The following DMD variants were observed in gnomAD, a reference collection of about 807,000 sequenced individuals.
The protein encoded by DMD is dystrophin, also known as mutant dystrophin.
A neutral mutation model predicts 330.1 loss-of-function variants in DMD; 63 were observed. That is an observed-to-expected ratio of 0.19 (90% confidence interval 0.16 to 0.24). The LOEUF is 0.24. Among genes scored for constraint, DMD ranks in the 10% least tolerant of loss-of-function variants. The pLI, the probability that DMD is intolerant of heterozygous loss-of-function variation, is 1.00. For missense variants in DMD, 3,344 were observed against 2,684.1 expected (o/e 1.25, Z -5.43); for synonymous variants, 1,223 against 959.8 (o/e 1.27, Z -5.07).
intron 41 of DMD, among the ~76,000 whole-genome samples, chrX:32,323,228 A>G (rs1303715644): frequency 8.9e-6 from 1 of 112,076 alleles, no homozygotes; most frequent in African/African-American, 3.2e-5. Flanking sequence ...GGGTGTCCAT[A>G]GTTACATGCA....
chrX:32,241,469 T>C (rs1445903902), intron 43 of DMD, among the ~76,000 whole-genome samples: 1 of 112,419 alleles, frequency 8.9e-6, no homozygotes, highest in Non-Finnish European at 1.9e-5. Context: ...TCCCCAGGTT[T>C]TCTTTCACGA....
At chrX:31,919,780 T>C (rs2094662513) in intron 47 of DMD, among the ~76,000 whole-genome samples, 1 of 112,229 alleles carries the variant, frequency 8.9e-6, no homozygotes, top group South Asian at 3.7e-4. Context: ...CATCAGGCCC[T>C]TATCAGCCCT....
chrX:32,739,376 T>C (rs374542917), intron 7 of DMD, among the ~76,000 whole-genome samples: 1 of 111,579 alleles, frequency 9.0e-6, no homozygotes, highest in South Asian at 3.7e-4. Context: ...TAGTATTCAT[T>C]TTGGGTAAAT....
rs527525454 is a variant in DMD, at chrX:32,256,255, T to C, written c.6290+31274A>G. 4.5e-5 allele frequency among the ~76,000 whole-genome samples: 5 copies of C among 111,575 alleles called. No homozygotes were observed. In the South Asian group the frequency reaches 1.5e-3, roughly 33 times the overall value. Reference sequence around the variant, plus strand: ...TGTAATGTAATACCCTTCTTTGTCTTTCTTGATCTTTGTTGGTTTAAAGTC... The same window carrying C: ...TGTAATGTAATACCCTTCTTTGTCTCTCTTGATCTTTGTTGGTTTAAAGTC... On this transcript the variant is annotated intron_variant, in intron 43 of 78. Transcript: ENST00000357033.
At chrX:32,643,470 T>C (rs754834244) in intron 11 of DMD, among the ~76,000 whole-genome samples, 5 of 111,272 alleles carry the variant, frequency 4.5e-5, no homozygotes, top group African/African-American at 1.6e-4. Flanking sequence ...AAAATAAATC[T>C]ATCTTGTCTT....
chrX:32,349,963 T>TA (rs775439621), intron 37 of DMD, among the ~76,000 whole-genome samples: 36 of 111,506 alleles, frequency 3.2e-4, no homozygotes, highest in African/African-American at 1.0e-3. Context: ...ACGGTAAAAG[T>TA]AAAAAGATTA....
intron 44 of DMD, among the ~76,000 whole-genome samples, chrX:32,113,499 CTT>C (rs1267442464): frequency 1.8e-5 from 2 of 111,780 alleles, no homozygotes. Flanking sequence ...ACACAGGTGA[CTT>C]TTCAGGGCCT....
chrX:32,967,014 A>T (rs1231157477), intron 2 of DMD, among the ~76,000 whole-genome samples: 1 of 111,859 alleles, frequency 8.9e-6, no homozygotes, highest in African/African-American at 3.3e-5. Flanking sequence ...AGGTTACAAT[A>T]AAATTCATGA....
intron 60 of DMD, among the ~76,000 whole-genome samples, chrX:31,416,524 G>C (rs952476614): frequency 8.9e-6 from 1 of 112,125 alleles, no homozygotes; most frequent in Admixed American, 9.5e-5. Flanking sequence ...GTGACCTGAT[G>C]CCAAATCTAA....
chrX:32,725,824 C>T lies in DMD; in HGVS notation c.650-26531G>A, dbSNP rs775991099. Among the ~76,000 whole-genome samples, 4 of 110,894 alleles carry T rather than the reference C, an allele frequency of 3.6e-5. No individual in the cohort carries two copies. The South Asian group carries it at 1.1e-3, about 31-fold the overall frequency. ...AATTTAACTGTACATTTTATAATAACTCAGTATCATTGGATTGTTTATAAC... is the reference window on the plus strand; with the variant it reads ...AATTTAACTGTACATTTTATAATAATTCAGTATCATTGGATTGTTTATAAC... On this transcript the variant is annotated intron_variant, in intron 7 of 78. Transcript: ENST00000357033.
chrX:31,303,977 T>C (rs7065597), intron 62 of DMD, among the ~76,000 whole-genome samples: 20,295 of 111,613 alleles, frequency 0.18, 1,941 homozygotes, highest in African/African-American at 0.37. Context: ...AAACATCTAT[T>C]GACAAATGAA....
At chrX:32,999,050 TATTCGAAGG>T (rs2093204748) in intron 2 of DMD, among the ~76,000 whole-genome samples, 1 of 112,462 alleles carries the variant, frequency 8.9e-6, no homozygotes, top group African/African-American at 3.2e-5. Context: ...GTCCTTACAC[TATTCGAAGG>T]ATTTATACAT....
rs1447360394 is a variant in DMD, at chrX:32,155,443, C to T, written c.6438+61473G>A. On this transcript the variant is annotated intron_variant, in intron 44 of 78. Coordinates refer to ENST00000357033, the MANE Select transcript of DMD (RefSeq NM_004006.3). ...AGTTCAGAGCAGCCAGCAATGCCTC[C>T]GCACAAAGCTTTGCCATTGCTAGTG... 5.3e-6 allele frequency: 4 copies of T among 752,496 alleles called. No homozygotes were observed. The East Asian group carries it at 4.6e-4, about 86-fold the overall frequency. The allele number at this position is 752,496 out of a possible 1,213,427, so 62.0% of individuals were successfully genotyped here.
At chrX:32,782,432 C>A (rs896067924) in intron 7 of DMD, among the ~76,000 whole-genome samples, 8 of 111,479 alleles carry the variant, frequency 7.2e-5, no homozygotes, top group Non-Finnish European at 1.5e-4. Context: ...GAACAACATC[C>A]CAGGGAGTTG....
At chrX:31,235,266 A>T (rs1375755361) in intron 63 of DMD, among the ~76,000 whole-genome samples, 1 of 111,987 alleles carries the variant, frequency 8.9e-6, no homozygotes, top group Non-Finnish European at 1.9e-5. Flanking sequence ...AGTTTCCAAG[A>T]TGACATAAGC....
chrX:33,330,421 G>A (rs1425584358), intron 1 of DMD, among the ~76,000 whole-genome samples: 3 of 111,576 alleles, frequency 2.7e-5, no homozygotes, highest in Non-Finnish European at 5.6e-5. Flanking sequence ...AACCTCTGAG[G>A]TCTGATTCTG....
chrX:32,697,318 T>G (rs1358689344), intron 9 of DMD, among the ~76,000 whole-genome samples: 1 of 111,724 alleles, frequency 9.0e-6, no homozygotes, highest in Non-Finnish European at 1.9e-5. Flanking sequence ...TGACTTTTTC[T>G]TATAAATACT....
intron 8 of DMD, among the ~76,000 whole-genome samples, chrX:32,698,419 AGT>A (rs2063817729): frequency 8.9e-6 from 1 of 111,783 alleles, no homozygotes; most frequent in African/African-American, 3.3e-5. Context: ...AGCTCAGCAA[AGT>A]GAGAGAGTTT....
intron 1 of DMD, among the ~76,000 whole-genome samples, chrX:33,037,425 A>G (rs141860544): frequency 3.0e-4 from 33 of 111,161 alleles, no homozygotes; most frequent in African/African-American, 8.8e-4. Flanking sequence ...TGCCATAAAC[A>G]CATGAAGCTG....
Sources: allele counts gnomAD v4.1 joint callset (sites outside exome capture counted in the v4.1 genomes callset), GRCh38; gene constraint gnomAD v4.1.1; transcripts MANE v1.5; gene names NCBI Gene and HGNC (gene_info 2026-07-23, HGNC 2026-07-21).